The following NUBPL variants were observed in gnomAD, a reference collection of about 807,000 sequenced individuals.
The protein encoded by NUBPL is NUBP iron-sulfur cluster assembly factor, mitochondrial.
NUBPL carries 31 observed loss-of-function variants against 45.7 expected under a neutral mutation model. The observed-to-expected ratio is 0.68, with a 90% confidence interval of 0.51 to 0.92. The LOEUF (loss-of-function observed/expected upper bound fraction) is 0.92. NUBPL is among the 40% of genes least tolerant of loss of function. The pLI, the probability that NUBPL is intolerant of heterozygous loss-of-function variation, is 0.00. For missense variants in NUBPL, 401 were observed against 398.7 expected (o/e 1.01, Z -0.05); for synonymous variants, 144 against 140.9 (o/e 1.02, Z -0.15).
chr14:31,732,856 C>A (rs2038082587), intron 6 of NUBPL, among the ~76,000 whole-genome samples: 1 of 152,074 alleles, frequency 6.6e-6, no homozygotes, highest in African/African-American at 2.4e-5. Context: ...AAATGATCTG[C>A]CCACCTCGGC....
At chr14:31,826,411 G>A (rs1049217293) in intron 7 of NUBPL, among the ~76,000 whole-genome samples, 2 of 152,050 alleles carry the variant, frequency 1.3e-5, no homozygotes, top group African/African-American at 2.4e-5. Context: ...GTGAGCCACC[G>A]TGCCCGGCCC....
intron 6 of NUBPL, among the ~76,000 whole-genome samples, chr14:31,739,407 T>C (rs988328185): frequency 1.3e-5 from 2 of 151,646 alleles, no homozygotes; most frequent in East Asian, 1.9e-4. Context: ...TTTGAAAATA[T>C]GTTGGTCAGT....
At chr14:31,667,096 G>C (rs931939161) in intron 4 of NUBPL, among the ~76,000 whole-genome samples, 1 of 152,114 alleles carries the variant, frequency 6.6e-6, no homozygotes, top group African/African-American at 2.4e-5. Context: ...ATGTTGGCCT[G>C]TCTTGCTAGA....
intron 4 of NUBPL, among the ~76,000 whole-genome samples, chr14:31,618,390 C>T (rs1168628559): frequency 2.0e-5 from 3 of 152,064 alleles, no homozygotes; most frequent in Non-Finnish European, 4.4e-5. Flanking sequence ...TAGATCTTTC[C>T]TGCTTTCTCT....
intron 4 of NUBPL, among the ~76,000 whole-genome samples, chr14:31,639,918 C>T (rs184048146): frequency 3.9e-5 from 6 of 152,106 alleles, no homozygotes; most frequent in Non-Finnish European, 8.8e-5. Flanking sequence ...CCTGATGCGC[C>T]GTTTTTTAAG....
chr14:31,789,587 T>G (rs1161498441), intron 7 of NUBPL, among the ~76,000 whole-genome samples: 1 of 152,114 alleles, frequency 6.6e-6, no homozygotes, highest in Non-Finnish European at 1.5e-5. Context: ...AAAGAATAGT[T>G]GCAAATCTAT....
At chr14:31,703,661 G>A (rs2037385082) in intron 6 of NUBPL, among the ~76,000 whole-genome samples, 1 of 152,188 alleles carries the variant, frequency 6.6e-6, no homozygotes. Flanking sequence ...AGAACAGCAT[G>A]GGAAAGACCC....
At chr14:31,588,415 CTCT>C (rs1321740998) in intron 3 of NUBPL, among the ~76,000 whole-genome samples, 1 of 1,400 alleles carries the variant, frequency 7.1e-4, no homozygotes, top group Non-Finnish European at 2.3e-3. Flanking sequence ...AGATCTCTCT[CTCT>C]TTTTTTTTTG....
intron 4 of NUBPL, among the ~76,000 whole-genome samples, chr14:31,653,490 C>T (rs2139747327): frequency 6.6e-6 from 1 of 152,276 alleles, no homozygotes; most frequent in East Asian, 1.9e-4. Flanking sequence ...ACTTGCAGGT[C>T]TGTTTATAGG....
chr14:31,631,990 T>A (rs2035357055), intron 4 of NUBPL, among the ~76,000 whole-genome samples: 1 of 152,160 alleles, frequency 6.6e-6, no homozygotes, highest in Admixed American at 6.5e-5. Flanking sequence ...TTGCCCTTCA[T>A]CTAAGTTGTA....
intron 6 of NUBPL, among the ~76,000 whole-genome samples, chr14:31,693,993 T>C (rs930692407): frequency 5.3e-5 from 8 of 151,170 alleles, no homozygotes; most frequent in South Asian, 4.2e-4. Flanking sequence ...GTGGCTGGGA[T>C]TACAGGCACC....
intron 6 of NUBPL, among the ~76,000 whole-genome samples, chr14:31,695,343 T>TC (rs1021627043): frequency 1.9e-5 from 2 of 106,956 alleles, no homozygotes; most frequent in Non-Finnish European, 4.2e-5. Context: ...ATTGTAGTGT[T>TC]CCTTTTTTTT....
chr14:31,602,315 A>G (rs1449602865), intron 4 of NUBPL, among the ~76,000 whole-genome samples: 1 of 151,788 alleles, frequency 6.6e-6, no homozygotes, highest in African/African-American at 2.4e-5. Flanking sequence ...GGTGCAGCAC[A>G]CCAGCATGGC....
At chr14:31,639,527 T>C (rs1032188970) in intron 4 of NUBPL, among the ~76,000 whole-genome samples, 1 of 152,140 alleles carries the variant, frequency 6.6e-6, no homozygotes, top group Non-Finnish European at 1.5e-5. Context: ...GCTCGGGGGT[T>C]AGGGGTCAGG....
At chr14:31,609,926 A>G (rs1156915476) in intron 4 of NUBPL, among the ~76,000 whole-genome samples, 1 of 152,200 alleles carries the variant, frequency 6.6e-6, no homozygotes, top group Non-Finnish European at 1.5e-5. Context: ...AAGCTGTACT[A>G]AGAGGGAAGT....
At chr14:31,566,169 AAAT>A (rs1378169666) in intron 3 of NUBPL, among the ~76,000 whole-genome samples, 1 of 152,134 alleles carries the variant, frequency 6.6e-6, no homozygotes, top group Non-Finnish European at 1.5e-5. Context: ...ACATATGAAA[AAAT>A]AATATGTGGT....
intron 6 of NUBPL, among the ~76,000 whole-genome samples, chr14:31,704,229 G>A (rs1198969672): frequency 3.9e-5 from 6 of 152,104 alleles, no homozygotes; most frequent in Admixed American, 6.5e-5. Context: ...GGGAGACAGG[G>A]GCAGGATTTT....
intron 9 of NUBPL, 52 bp from the exon 10 acceptor site, chr14:31,850,067 A>T: frequency 7.6e-7 from 1 of 1,323,114 alleles, no homozygotes; most frequent in Non-Finnish European, 1.1e-6. Flanking sequence ...GAGATTCAAA[A>T]TGCCTATATG....
intron 4 of NUBPL, among the ~76,000 whole-genome samples, chr14:31,672,245 A>G (rs1043714613): frequency 3.3e-5 from 5 of 150,184 alleles, no homozygotes; most frequent in Non-Finnish European, 7.4e-5. Context: ...AAGTAGTAAC[A>G]CTCCAGTGTA....
Sources: gnomAD v4.1 joint callset for allele counts (sites outside exome capture counted in the v4.1 genomes callset) on GRCh38, gnomAD v4.1.1 for gene constraint, MANE v1.5 for transcripts, NCBI Gene and HGNC (gene_info 2026-07-23, HGNC 2026-07-21) for gene names.